Variants in ZBTB20 observed in about 807,000 individuals in gnomAD.
ZBTB20 encodes the protein zinc finger and BTB domain-containing protein 20.
Under a neutral mutation model 56.9 loss-of-function variants are expected in ZBTB20, and 9 were observed. That is an observed-to-expected ratio of 0.16 (90% CI 0.10 to 0.28). ZBTB20 has a LOEUF of 0.28. Ranked by LOEUF, ZBTB20 falls within the 10% of genes least tolerant of loss-of-function variation. ZBTB20 has a pLI of 1.00. For synonymous variants in ZBTB20, 417 were observed against 420.7 expected, an observed-to-expected ratio of 0.99 and a Z score of 0.11; for missense variants, 655 against 1,003.0, an observed-to-expected ratio of 0.65 and a Z score of 4.69.
chr3:115,140,290 T>C (rs1413486249), intron 1 of ZBTB20, among the ~76,000 whole-genome samples: 2 of 152,072 alleles, frequency 1.3e-5, no homozygotes, highest in African/African-American at 4.8e-5. Context: ...GAATTTAATA[T>C]ATGAGAGATT....
At chr3:115,056,305 T>C (rs2081779183) in intron 2 of ZBTB20, among the ~76,000 whole-genome samples, 1 of 151,978 alleles carries the variant, frequency 6.6e-6, no homozygotes, top group African/African-American at 2.4e-5. Context: ...AGACTGAAAA[T>C]GTTTATTATC....
intron 2 of ZBTB20, among the ~76,000 whole-genome samples, chr3:115,013,908 A>ATGTGTGTGTG (rs35762117): frequency 3.0e-4 from 44 of 147,850 alleles, no homozygotes; most frequent in African/African-American, 1.0e-3. Context: ...CAATCCCTAT[A>ATGTGTGTGTG]TGTGTGTGTG....
chr3:114,897,155 C>G (rs954002123), intron 4 of ZBTB20, among the ~76,000 whole-genome samples: 1 of 152,120 alleles, frequency 6.6e-6, no homozygotes, highest in African/African-American at 2.4e-5. Context: ...CCCAGTTTTA[C>G]AAATGAGTAA....
chr3:114,812,321 C>T (rs1034499421), intron 4 of ZBTB20, among the ~76,000 whole-genome samples: 1 of 152,058 alleles, frequency 6.6e-6, no homozygotes, highest in Admixed American at 6.5e-5. Flanking sequence ...CACATCCCCA[C>T]CAGATTAGCT....
At chr3:114,423,889 T>C (rs1227572477) in intron 7 of ZBTB20, among the ~76,000 whole-genome samples, 3 of 152,244 alleles carry the variant, frequency 2.0e-5, no homozygotes, top group Non-Finnish European at 2.9e-5. Flanking sequence ...ATAAAATGTA[T>C]GTGTATGATT....
intron 4 of ZBTB20, among the ~76,000 whole-genome samples, chr3:114,874,658 G>A (rs540565957): frequency 3.3e-5 from 5 of 152,230 alleles, no homozygotes; most frequent in South Asian, 2.1e-4. Context: ...ACAGACGGCC[G>A]TCCCAGTAAC....
intron 1 of ZBTB20, chr3:115,103,079 T>C (rs1006905283): frequency 1.3e-5 from 2 of 152,208 alleles, no homozygotes; most frequent in East Asian, 3.8e-4. Flanking sequence ...ACATTGTTAG[T>C]ACTTACTGGA....
At chr3:115,069,295 T>C (rs1439507535) in intron 2 of ZBTB20, among the ~76,000 whole-genome samples, 1 of 152,160 alleles carries the variant, frequency 6.6e-6, no homozygotes, top group African/African-American at 2.4e-5. Flanking sequence ...TCACGACTTT[T>C]GTTTCTTTTT....
At chr3:114,731,712 A>G (rs192168289) in intron 5 of ZBTB20, among the ~76,000 whole-genome samples, 3 of 152,034 alleles carry the variant, frequency 2.0e-5, no homozygotes, top group Non-Finnish European at 2.9e-5. Flanking sequence ...ACCCGGCTGT[A>G]CCTAGATTAG....
At chr3:114,476,495 G>A (rs1238223556) in intron 7 of ZBTB20, among the ~76,000 whole-genome samples, 1 of 152,202 alleles carries the variant, frequency 6.6e-6, no homozygotes, top group Non-Finnish European at 1.5e-5. Flanking sequence ...TGGAGGTTGG[G>A]ATGTCTAGTA....
chr3:114,626,099 C>T (rs1284801850), intron 6 of ZBTB20, among the ~76,000 whole-genome samples: 2 of 152,080 alleles, frequency 1.3e-5, no homozygotes, highest in African/African-American at 2.4e-5. Flanking sequence ...TTCGGGAACA[C>T]GAGTAAAATA....
At position 114,339,162 on chromosome 3, in the gene ZBTB20, G is replaced by T. The variant is rs1421110412; in HGVS notation, c.2069C>A (p.Thr690Asn). 6.2e-7 allele frequency: 1 copy of T among 1,614,146 alleles called. No individual in the cohort carries two copies. ...HVALHSASNGTPPAGTPPGAR... is the reference protein window; with the variant it reads ...HVALHSASNGNPPAGTPPGAR... ...ACCTGGGGGTGTGCCTGCAGGGGGGGTCCCATTGCTGGCACTGTGCAGGGC... is the reference window on the plus strand; with the variant it reads ...ACCTGGGGGTGTGCCTGCAGGGGGGTTCCCATTGCTGGCACTGTGCAGGGC... The change falls in exon 12 of 12, where the codon ACC becomes AAC. Residue 690 changes from threonine (T) to asparagine (N), a missense_variant. Around this residue, in one of 10 missense-constraint regions of ZBTB20, gnomAD observed 89 missense variants for 79.7 expected, o/e 1.12. Coordinates refer to ENST00000675478, the MANE Select transcript of ZBTB20 (RefSeq NM_001348800.3). This position sits in a 1 kb window ranked among gnomAD's most constrained non-coding sequence, Gnocchi z 4.2.
rs564985595 is a variant in ZBTB20 at position 114,478,302 on chromosome 3, C to G, written c.-255+22050G>C. 1.1e-3 allele frequency among the ~76,000 whole-genome samples: 173 copies of G among 152,302 alleles called. 1 individual carries two copies. Among genetic ancestry groups the G allele is most frequent in the Non-Finnish European group, 1.4e-3 (97 of 68,020 alleles). ...GTTTCTAATCTTTATTCCTCAGAGG[C>G]AGATATGAATTTTGGACAAAGTTTT... On this transcript the variant is annotated intron_variant, in intron 7 of 11. Coordinates refer to ENST00000675478, the MANE Select transcript of ZBTB20 (RefSeq NM_001348800.3).
At chr3:114,736,454 C>A (rs564849342) in intron 5 of ZBTB20, among the ~76,000 whole-genome samples, 1 of 152,040 alleles carries the variant, frequency 6.6e-6, no homozygotes, top group East Asian at 1.9e-4. Context: ...TTCTTTTATT[C>A]CAGAATGTTC....
At chr3:115,037,105 T>C (rs753227534) in intron 2 of ZBTB20, among the ~76,000 whole-genome samples, 2 of 152,192 alleles carry the variant, frequency 1.3e-5, no homozygotes, top group Admixed American at 1.3e-4. Flanking sequence ...CTTTTACTAA[T>C]AGTGAGGATA....
intron 6 of ZBTB20, among the ~76,000 whole-genome samples, chr3:114,538,402 A>G (rs564458829): frequency 2.0e-5 from 3 of 152,162 alleles, no homozygotes; most frequent in Non-Finnish European, 4.4e-5. Flanking sequence ...CCCCAGTGTG[A>G]TATATTTATC....
At chr3:114,482,154 C>T (rs1232145669) in intron 7 of ZBTB20, among the ~76,000 whole-genome samples, 1 of 152,034 alleles carries the variant, frequency 6.6e-6, no homozygotes, top group Non-Finnish European at 1.5e-5. Context: ...CCAGAAGGGC[C>T]CAGAGCAAGG....
chr3:114,578,662 G>C (rs1044315822), intron 6 of ZBTB20, among the ~76,000 whole-genome samples: 1 of 151,788 alleles, frequency 6.6e-6, no homozygotes, highest in African/African-American at 2.4e-5. Flanking sequence ...AGATATAATT[G>C]AGTAATGTCT....
In ZBTB20 at chr3:115,139,664, T is replaced by C. The variant is rs556432892; in HGVS notation, c.-703+7555A>G. On this transcript the variant is annotated intron_variant, in intron 1 of 11. Coordinates refer to ENST00000675478, the MANE Select transcript of ZBTB20 (RefSeq NM_001348800.3). The stretch of plus-strand genomic sequence containing the variant: ...GAAGAGAATCACAAAACCAAATTTA[T>C]CTTTTATCTTTGAATAAATGTATCT... 2.0e-5 allele frequency among the ~76,000 whole-genome samples: 3 copies of C among 152,188 alleles called. No homozygotes were observed. In the South Asian group the frequency reaches 6.2e-4, roughly 32 times the overall value.
Sources: allele counts gnomAD v4.1 joint callset (sites outside exome capture counted in the v4.1 genomes callset), GRCh38; gene constraint gnomAD v4.1.1; regional missense constraint gnomAD v4.1.1; non-coding constraint Gnocchi (gnomAD v3.1); transcripts MANE v1.5; gene names NCBI Gene and HGNC (gene_info 2026-07-23, HGNC 2026-07-21).